The following RNFT1 variants were observed in gnomAD, a reference collection of about 807,000 sequenced individuals.
RNFT1 encodes the protein ring finger protein, transmembrane 1.
In RNFT1, 35 loss-of-function variants were observed where a neutral mutation model predicts 53.2. The ratio of observed to expected loss-of-function variants is 0.66; its 90% CI spans 0.50 to 0.87. The LOEUF is 0.87. Ranked by LOEUF, RNFT1 falls within the 40% of genes least tolerant of loss-of-function variation. RNFT1 has a pLI of 0.00. For synonymous variants in RNFT1, 141 were observed against 172.8 expected, an observed-to-expected ratio of 0.82 and a Z score of 1.44; for missense variants, 421 against 515.0, an observed-to-expected ratio of 0.82 and a Z score of 1.77.
At chr17:59,961,616 C>T (rs752046834) in intron 3 of RNFT1, among the ~76,000 whole-genome samples, 10 of 151,448 alleles carry the variant, frequency 6.6e-5, no homozygotes, top group East Asian at 1.9e-4. Flanking sequence ...CTCACTCTGT[C>T]GCCAGGCTGG....
In RNFT1 at chr17:59,952,964, T is replaced by G; in HGVS notation, c.*13A>C. ...TGACATTAGTATTTTGTGGCCTTGA[T>G]AGTTTATACAACTTAATATATTTGA... On this transcript the variant is annotated 3_prime_UTR_variant, in exon 9 of 9. Transcript: ENST00000305783. The G allele has an allele frequency of 1.2e-6, 2 of 1,610,122 alleles. No individual in the cohort carries two copies. Among genetic ancestry groups the G allele is most frequent in the Non-Finnish European group, 1.7e-6 (2 of 1,178,574 alleles).
chr17:59,961,479 C>A (rs2045291572), intron 3 of RNFT1, among the ~76,000 whole-genome samples: 1 of 152,212 alleles, frequency 6.6e-6, no homozygotes, highest in Middle Eastern at 3.4e-3. Context: ...TTTAAAGTTG[C>A]CTTAAGGTGA....
At position 59,953,029 on chromosome 17, in the gene RNFT1, T is replaced by C; in HGVS notation, c.1256A>G (p.His419Arg). 6.2e-7 allele frequency: 1 copy of C among 1,613,572 alleles called. No homozygotes were observed. The highest frequency in any genetic ancestry group is 2.2e-5 in the East Asian group (1 of 44,844). The change falls in exon 9 of 9, where the codon CAT becomes CGT. Residue 419 changes from histidine (H) to arginine (R), a missense_variant. Transcript: ENST00000305783. Reference sequence around the variant, plus strand: ...GGCTCCATCCTTCCATTTGTTTATATGGTCTGAAATCACAGTTCTGCAGAG... The same window carrying C: ...GGCTCCATCCTTCCATTTGTTTATACGGTCTGAAATCACAGTTCTGCAGAG... ...CPLCRTVISD[H>R]INKWKDGATS...
chr17:59,953,363 G>A (rs762032546), intron 8 of RNFT1, among the ~76,000 whole-genome samples: 1 of 151,958 alleles, frequency 6.6e-6, no homozygotes, highest in Non-Finnish European at 1.5e-5. Context: ...ACCATGCCCA[G>A]CTAGTTTTTT....
In RNFT1 at chr17:59,952,964, T is replaced by C. The variant is rs781445606; in HGVS notation, c.*13A>G. 6.8e-6 allele frequency: 11 copies of C among 1,610,004 alleles called. No homozygotes were observed. Among genetic ancestry groups the C allele is most frequent in the South Asian group, 2.2e-5 (2 of 90,846 alleles). ...TGACATTAGTATTTTGTGGCCTTGA[T>C]AGTTTATACAACTTAATATATTTGA... On this transcript the variant is annotated 3_prime_UTR_variant, in exon 9 of 9. Coordinates refer to ENST00000305783, the MANE Select transcript of RNFT1 (RefSeq NM_016125.4).
At chr17:59,957,092 A>T in intron 6 of RNFT1, 132 bp downstream of exon 6, 1 of 916,520 alleles carries the variant, frequency 1.1e-6, no homozygotes, top group Non-Finnish European at 1.6e-6. Flanking sequence ...CTAAACAAAT[A>T]TAGAACCTGC....
intron 3 of RNFT1, among the ~76,000 whole-genome samples, chr17:59,962,050 T>G (rs1435091220): frequency 6.6e-6 from 1 of 152,040 alleles, no homozygotes; most frequent in Non-Finnish European, 1.5e-5. Flanking sequence ...CACACCTAGC[T>G]AATTTTTTGT....
chr17:59,960,261 AT>A, intron 3 of RNFT1, 93 bp from the exon 4 acceptor site: 1 of 1,354,490 alleles, frequency 7.4e-7, no homozygotes, highest in Non-Finnish European at 9.9e-7. Context: ...TTAACTTAGA[AT>A]ATTTTTCTAA....
chr17:59,958,517 T>C, intron 4 of RNFT1, 73 bp from the exon 5 acceptor site: 1 of 1,182,718 alleles, frequency 8.5e-7, no homozygotes, highest in East Asian at 2.4e-5. Flanking sequence ...GGTTTTAATT[T>C]GCTACAAATA....
chr17:59,959,509 A>G (rs2045274214), intron 4 of RNFT1: 1 of 152,256 alleles, frequency 6.6e-6, no homozygotes, highest in African/African-American at 2.4e-5. Flanking sequence ...ACCTAATGGT[A>G]CTTTAAAAAT....
At chr17:59,954,911 G>A (rs1319892223) in intron 7 of RNFT1, among the ~76,000 whole-genome samples, 2 of 152,032 alleles carry the variant, frequency 1.3e-5, no homozygotes, top group Admixed American at 6.6e-5. Flanking sequence ...CAAGTTACTC[G>A]TCTCTAAGAT....
At position 59,964,669 on chromosome 17, in the gene RNFT1, G is replaced by T. The variant is rs1376118077; in HGVS notation, c.-6C>A. 1 of 1,603,924 alleles carries T rather than the reference G, an allele frequency of 6.2e-7. No homozygotes were observed. The highest frequency in any genetic ancestry group is 1.7e-5 in the Admixed American group (1 of 58,962). ...GACAGCAAGAACAGCGGCATACACC[G>T]CCTCCAGCCCTTCAGTCGGGGCCAT... On this transcript the variant is annotated 5_prime_UTR_variant, in exon 1 of 9. Transcript: ENST00000305783.
chr17:59,957,545 A>T (rs1343767016), intron 5 of RNFT1, among the ~76,000 whole-genome samples, 163 bp from the exon 6 acceptor site: 1 of 152,168 alleles, frequency 6.6e-6, no homozygotes, highest in Non-Finnish European at 1.5e-5. Context: ...GTTCTCACAT[A>T]TTACAGTCAC....
intron 4 of RNFT1, 63 bp downstream of exon 4, chr17:59,960,005 C>T (rs1018635419): frequency 6.1e-6 from 9 of 1,480,210 alleles, no homozygotes; most frequent in Admixed American, 2.0e-5. Flanking sequence ...AAGTAAGATA[C>T]AAAGTGCTAT....
chr17:59,954,174 T>C (rs376315656), intron 7 of RNFT1, 28 bp from the exon 8 acceptor site: 71 of 1,433,182 alleles, frequency 5.0e-5, no homozygotes, highest in Non-Finnish European at 8.7e-6. Context: ...TCTGTTCATC[T>C]ACAAATTTCT....
intron 1 of RNFT1, among the ~76,000 whole-genome samples, chr17:59,964,371 T>C (rs967743597): frequency 1.8e-4 from 28 of 152,302 alleles, no homozygotes; most frequent in African/African-American, 6.7e-4. Context: ...AAGAGCGACG[T>C]TGGACAGCAG....
At chr17:59,963,332 C>G (rs1460318580) in intron 1 of RNFT1, 48 bp from the exon 2 acceptor site, 5 of 1,497,364 alleles carry the variant, frequency 3.3e-6, no homozygotes. Flanking sequence ...CAGTTAAATA[C>G]CAGCAGTATA....
chr17:59,958,607 A>G (rs1313414168), intron 4 of RNFT1, 163 bp from the exon 5 acceptor site: 1 of 707,900 alleles, frequency 1.4e-6, no homozygotes, highest in East Asian at 2.8e-5. Context: ...CATTTTGCTT[A>G]AAGAGACTTT....
At position 59,956,366 on chromosome 17, in the gene RNFT1, T is replaced by A. The variant is rs1412203451; in HGVS notation, c.1071+122A>T. 4.4e-6 allele frequency: 3 copies of A among 681,598 alleles called. No homozygotes were observed. In the African/African-American group the frequency reaches 5.5e-5, roughly 13 times the overall value. The allele number at this position is 681,598 out of a possible 1,614,324, so 42.2% of individuals were successfully genotyped here. ...CAAGTGCCAAAGTACTAGAAAATAA[T>A]CAAAGTAAAAGAAAAGGATCATCTA... is the stretch of plus-strand genomic sequence containing the variant. On this transcript the variant is annotated intron_variant, in intron 7 of 8. Transcript: ENST00000305783.
Sources: gnomAD v4.1 joint callset for allele counts (sites outside exome capture counted in the v4.1 genomes callset) on GRCh38, gnomAD v4.1.1 for gene constraint, MANE v1.5 for transcripts, NCBI Gene and HGNC (gene_info 2026-07-23, HGNC 2026-07-21) for gene names.